Variants in KCNN3 observed in about 807,000 individuals in gnomAD.
KCNN3 encodes potassium calcium-activated channel subfamily N member 3.
KCNN3 carries 16 observed loss-of-function variants against 62.9 expected under a neutral mutation model. That is an observed-to-expected ratio of 0.25 (90% CI 0.17 to 0.39). The LOEUF is 0.39. KCNN3 is among the 10% of genes least tolerant of loss of function. KCNN3 has a pLI of 1.00. For missense variants in KCNN3, 599 were observed against 949.4 expected, an observed-to-expected ratio of 0.63 and a Z score of 4.85; for synonymous variants, 370 against 389.2, an observed-to-expected ratio of 0.95 and a Z score of 0.58.
Position 154,838,102 on chromosome 1 carries a change from G to A in KCNN3, c.934-15918C>T, listed in dbSNP as rs997296996. On this transcript the variant is annotated intron_variant, in intron 1 of 7. Transcript: ENST00000271915. The stretch of plus-strand genomic sequence containing the variant: ...GACAGCCAGCTGACAGGGGTCAGGC[G>A]GCCAGAGGTGGATGGACAAGTACAG... Among the ~76,000 whole-genome samples the A allele has an allele frequency of 4.6e-5, 7 of 152,190 alleles. No homozygotes were observed. In the East Asian group the frequency reaches 5.8e-4, roughly 13 times the overall value.
At chr1:154,759,404 C>G (rs111799263) in intron 3 of KCNN3, among the ~76,000 whole-genome samples, 1 of 152,208 alleles carries the variant, frequency 6.6e-6, no homozygotes, top group Non-Finnish European at 1.5e-5. Flanking sequence ...GATGGAAAAG[C>G]TGACAGAATA....
chr1:154,721,110 T>C (rs1347697330), intron 5 of KCNN3, among the ~76,000 whole-genome samples: 1 of 152,088 alleles, frequency 6.6e-6, no homozygotes, highest in African/African-American at 2.4e-5. Flanking sequence ...TTGGGTGAGC[T>C]ACTTGGGGCA....
chr1:154,849,342 C>T (rs1272096532), intron 1 of KCNN3, among the ~76,000 whole-genome samples: 2 of 152,216 alleles, frequency 1.3e-5, no homozygotes, highest in African/African-American at 2.4e-5. Flanking sequence ...CATGTGGCCT[C>T]GCAGGGGCCA....
rs1324707824 is a variant in KCNN3, at chr1:154,743,136, CCCTCTCACCTGGACCAGCCCCAT to C, written c.1449-10015_1449-9993del. Among the ~76,000 whole-genome samples the C allele has an allele frequency of 2.9e-3, 439 of 151,786 alleles. 3 individuals are homozygous for C. The highest frequency in any genetic ancestry group is 9.5e-3 in the African/African-American group (394 of 41,378). ...CACCCTCTCACCTTGTCCAGCCCCA[CCCTCTCACCTGGACCAGCCCCAT>C]CCTCTCACCTGGACCAGCCCCACTC... On this transcript the variant is annotated intron_variant, in intron 3 of 7. Transcript: ENST00000271915.
intron 2 of KCNN3, among the ~76,000 whole-genome samples, chr1:154,808,142 C>T (rs913211306): frequency 3.9e-5 from 6 of 152,186 alleles, no homozygotes; most frequent in African/African-American, 7.2e-5. Context: ...TTCCCTCTCC[C>T]GCCATCAGAT....
At chr1:154,735,290 A>T (rs942303335) in intron 3 of KCNN3, among the ~76,000 whole-genome samples, 20 of 152,188 alleles carry the variant, frequency 1.3e-4, no homozygotes, top group African/African-American at 4.8e-4. Context: ...CGAGCACATC[A>T]ATGGTGGGCT....
chr1:154,806,343 G>A (rs1309157906), intron 2 of KCNN3, among the ~76,000 whole-genome samples: 1 of 152,250 alleles, frequency 6.6e-6, no homozygotes, highest in Non-Finnish European at 1.5e-5. Context: ...AGCAAGGAGA[G>A]TCCAAAATTA....
chr1:154,802,232 G>A (rs1257030770), intron 2 of KCNN3, among the ~76,000 whole-genome samples: 1 of 152,176 alleles, frequency 6.6e-6, no homozygotes, highest in African/African-American at 2.4e-5. Flanking sequence ...GCAGAGCTGG[G>A]ATTTAAACGT....
chr1:154,814,434 CATA>C (rs1557989243), intron 2 of KCNN3, among the ~76,000 whole-genome samples: 1,622 of 152,290 alleles, frequency 0.011, 21 homozygotes, highest in African/African-American at 0.038. Context: ...TCACAACCAA[CATA>C]AGACACGCAG....
intron 4 of KCNN3, among the ~76,000 whole-genome samples, chr1:154,728,873 A>G (rs1384754571): frequency 6.6e-6 from 1 of 152,236 alleles, no homozygotes; most frequent in African/African-American, 2.4e-5. Context: ...CCAGAAGTCA[A>G]TGGTCCATTT....
At chr1:154,727,083 C>G (rs1428611737) in intron 4 of KCNN3, among the ~76,000 whole-genome samples, 1 of 152,232 alleles carries the variant, frequency 6.6e-6, no homozygotes, top group East Asian at 1.9e-4. Flanking sequence ...TCCCCTGGCT[C>G]TTCGGCAGGC....
intron 2 of KCNN3, among the ~76,000 whole-genome samples, chr1:154,774,872 G>A (rs1462819186): frequency 6.6e-6 from 1 of 152,256 alleles, no homozygotes; most frequent in Non-Finnish European, 1.5e-5. Context: ...TGCATCCTGG[G>A]AAGGCCTGAG....
At chr1:154,722,932 A>G (rs1700388095) in intron 5 of KCNN3, among the ~76,000 whole-genome samples, 1 of 149,142 alleles carries the variant, frequency 6.7e-6, no homozygotes, top group Non-Finnish European at 1.5e-5. Context: ...GGGTTTCACC[A>G]TGTTGGTCAG....
chr1:154,727,671 G>A (rs894497475), intron 4 of KCNN3, among the ~76,000 whole-genome samples: 5 of 152,196 alleles, frequency 3.3e-5, no homozygotes, highest in African/African-American at 1.2e-4. Context: ...GAGGACGGCT[G>A]TGTTTTTTCA....
At chr1:154,708,993 C>T (rs1164789353) in intron 7 of KCNN3, among the ~76,000 whole-genome samples, 1 of 152,110 alleles carries the variant, frequency 6.6e-6, no homozygotes, top group Admixed American at 6.5e-5. Context: ...TCTTTGTTGA[C>T]TGTATCACAG....
At chr1:154,717,550 A>ATT (rs199765246) in intron 5 of KCNN3, among the ~76,000 whole-genome samples, 9,657 of 147,880 alleles carry the variant, frequency 0.065, 337 homozygotes, top group African/African-American at 0.1. Flanking sequence ...AGAGCACTGG[A>ATT]TTTTTTTTTT....
At chr1:154,752,908 C>A (rs1330138457) in intron 3 of KCNN3, among the ~76,000 whole-genome samples, 1 of 152,198 alleles carries the variant, frequency 6.6e-6, no homozygotes, top group Non-Finnish European at 1.5e-5. Context: ...TCACCCTTGA[C>A]TAGGCTCCGA....
intron 1 of KCNN3, among the ~76,000 whole-genome samples, chr1:154,867,459 G>A (rs965294485): frequency 6.6e-6 from 1 of 152,142 alleles, no homozygotes; most frequent in Non-Finnish European, 1.5e-5. Flanking sequence ...CCTCTGCCTG[G>A]AAGTCTTGGT....
chr1:154,869,915 T>TCC lies in KCNN3; in HGVS notation c.49_50insGG (p.Glu17GlyfsTer160). On this transcript the variant is annotated frameshift_variant, in exon 1 of 8. Coordinates refer to ENST00000271915, the MANE Select transcript of KCNN3 (RefSeq NM_002249.6). LOFTEE classifies it high-confidence loss of function. The surrounding 1 kb of genome is among the most constrained non-coding windows in gnomAD (Gnocchi z 6.1). ...GGATGGACAGGGGCACTTGGGGTCT[T>TCC]CATCCAAGTCCCCCACCCCCGAGTC... 6.2e-7 allele frequency: 1 copy of TCC among 1,610,096 alleles called. No individual in the cohort carries two copies. Among genetic ancestry groups the TCC allele is most frequent in the Non-Finnish European group, 8.5e-7 (1 of 1,178,402 alleles).
Sources: allele counts gnomAD v4.1 joint callset (sites outside exome capture counted in the v4.1 genomes callset), GRCh38; gene constraint gnomAD v4.1.1; non-coding constraint Gnocchi (gnomAD v3.1); transcripts MANE v1.5; gene names NCBI Gene and HGNC (gene_info 2026-07-23, HGNC 2026-07-21).